Variants in SCFD2 observed in about 807,000 individuals in gnomAD.
SCFD2 encodes sec1 family domain containing 2, also known as sec1 family domain-containing protein 2.
A neutral mutation model predicts 58.9 loss-of-function variants in SCFD2; 54 were observed. That is an observed-to-expected ratio of 0.92 (90% CI 0.74 to 1.15). The LOEUF (loss-of-function observed/expected upper bound fraction) is 1.15, where lower values mean the gene tolerates loss of function less well. Among genes scored for constraint, SCFD2 ranks in the 50% most tolerant of loss-of-function variants. SCFD2 has a pLI of 0.00. For missense variants in SCFD2, 805 were observed against 836.6 expected (o/e 0.96, Z 0.47); for synonymous variants, 321 against 335.9 (o/e 0.96, Z 0.49).
intron 8 of SCFD2, among the ~76,000 whole-genome samples, chr4:52,878,430 G>A (rs948894689): frequency 4.6e-5 from 7 of 152,324 alleles, no homozygotes; most frequent in Admixed American, 3.9e-4. Flanking sequence ...GGATCATACT[G>A]CTGACATTTC....
chr4:53,354,183 G>A (rs1734329292), intron 1 of SCFD2, among the ~76,000 whole-genome samples: 2 of 152,264 alleles, frequency 1.3e-5, no homozygotes, highest in Admixed American at 1.3e-4. Flanking sequence ...ACAGGGGGAA[G>A]GGGTGGTGCT....
rs76503739 is a variant in SCFD2, at chr4:53,191,882, G to T, written c.1312-46300C>A. Among the ~76,000 whole-genome samples the T allele has an allele frequency of 8.3e-3, 1,265 of 152,218 alleles. 19 individuals carry two copies. Among genetic ancestry groups the T allele is most frequent in the African/African-American group, 0.029 (1,207 of 41,536 alleles). Reference sequence around the variant, plus strand: ...GCTTGTAACAGTCCCTGTCCCTGGAGCACTCTTTTCCTGATTTCCTTTCCA... The same window carrying T: ...GCTTGTAACAGTCCCTGTCCCTGGATCACTCTTTTCCTGATTTCCTTTCCA... On this transcript the variant is annotated intron_variant, in intron 4 of 8. Coordinates refer to ENST00000401642, the MANE Select transcript of SCFD2 (RefSeq NM_152540.4).
At chr4:53,211,957 A>C (rs1486337293) in intron 4 of SCFD2, among the ~76,000 whole-genome samples, 2 of 152,104 alleles carry the variant, frequency 1.3e-5, no homozygotes, top group Non-Finnish European at 2.9e-5. Context: ...GGAAAACCAA[A>C]ACTACCAGCT....
chr4:53,267,155 G>A (rs185465889), intron 4 of SCFD2, among the ~76,000 whole-genome samples: 86 of 152,120 alleles, frequency 5.7e-4, no homozygotes, highest in African/African-American at 2.1e-3. Context: ...TAAACATTGA[G>A]GTTTCGGTGA....
At chr4:53,018,107 G>T (rs1335085435) in intron 5 of SCFD2, among the ~76,000 whole-genome samples, 2 of 152,138 alleles carry the variant, frequency 1.3e-5, no homozygotes, top group Non-Finnish European at 2.9e-5. Context: ...TAAGCTCCAT[G>T]ATGGCTTACA....
chr4:53,263,466 T>TC (rs1375607110), intron 4 of SCFD2, among the ~76,000 whole-genome samples: 1 of 152,184 alleles, frequency 6.6e-6, no homozygotes, highest in African/African-American at 2.4e-5. Context: ...TTCTCCCTCT[T>TC]CCCCTAGGGA....
intron 5 of SCFD2, among the ~76,000 whole-genome samples, chr4:53,096,857 G>T (rs1176402619): frequency 1.1e-4 from 16 of 152,084 alleles, no homozygotes; most frequent in African/African-American, 3.4e-4. Context: ...GGTCTAACAT[G>T]TAAGTCTTTA....
At chr4:53,167,029 A>T (rs1401729744) in intron 4 of SCFD2, among the ~76,000 whole-genome samples, 2 of 152,164 alleles carry the variant, frequency 1.3e-5, no homozygotes, top group Non-Finnish European at 2.9e-5. Flanking sequence ...ACCATTAATC[A>T]TCTCTTCTTC....
At chr4:53,364,069 T>G (rs543547112) in intron 1 of SCFD2, among the ~76,000 whole-genome samples, 11 of 152,326 alleles carry the variant, frequency 7.2e-5, no homozygotes, top group African/African-American at 2.6e-4. Flanking sequence ...GTTTTATCTT[T>G]TAATCCCCTA....
At chr4:53,199,342 C>T (rs6554071) in intron 4 of SCFD2, among the ~76,000 whole-genome samples, 81,597 of 151,794 alleles carry the variant, frequency 0.54, 22,146 homozygotes, top group Middle Eastern at 0.62. Flanking sequence ...TCTATCTGAT[C>T]GAATGAGAGG....
intron 5 of SCFD2, among the ~76,000 whole-genome samples, chr4:53,017,162 T>G (rs920636990): frequency 3.9e-5 from 6 of 152,156 alleles, no homozygotes; most frequent in African/African-American, 1.4e-4. Context: ...GTAATCATAT[T>G]TGGGTGGGCA....
At chr4:52,993,492 T>C (rs746213429) in intron 5 of SCFD2, among the ~76,000 whole-genome samples, 12 of 152,268 alleles carry the variant, frequency 7.9e-5, no homozygotes, top group Non-Finnish European at 1.2e-4. Context: ...TTTCAGTGGC[T>C]CACTAGGATG....
chr4:53,294,383 T>C (rs1182535118), intron 3 of SCFD2, among the ~76,000 whole-genome samples: 1 of 152,258 alleles, frequency 6.6e-6, no homozygotes, highest in African/African-American at 2.4e-5. Flanking sequence ...TTTGCATTTC[T>C]CTGATGACCA....
chr4:53,309,141 A>G (rs1198542797), intron 3 of SCFD2, among the ~76,000 whole-genome samples: 1 of 152,138 alleles, frequency 6.6e-6, no homozygotes, highest in Non-Finnish European at 1.5e-5. Context: ...TCAAAAAAAA[A>G]AAAAGAGAAG....
chr4:52,962,672 G>C (rs985304716), intron 5 of SCFD2, among the ~76,000 whole-genome samples: 19 of 149,970 alleles, frequency 1.3e-4, no homozygotes, highest in East Asian at 7.8e-4. Context: ...AAATAGTTTA[G>C]AGGGGGGCAG....
At chr4:53,049,596 G>A (rs1701624426) in intron 5 of SCFD2, among the ~76,000 whole-genome samples, 2 of 151,996 alleles carry the variant, frequency 1.3e-5, no homozygotes, top group African/African-American at 4.8e-5. Flanking sequence ...ATTAGCTATC[G>A]TCTCCTCCTT....
intron 4 of SCFD2, among the ~76,000 whole-genome samples, chr4:53,251,494 G>C (rs965753852): frequency 6.6e-6 from 1 of 152,064 alleles, no homozygotes; most frequent in African/African-American, 2.4e-5. Context: ...ATAAAATACT[G>C]GCAAACCAAA....
At chr4:52,980,202 G>A (rs908069996) in intron 5 of SCFD2, among the ~76,000 whole-genome samples, 5 of 152,002 alleles carry the variant, frequency 3.3e-5, no homozygotes, top group African/African-American at 9.7e-5. Flanking sequence ...TAATAATAAC[G>A]GCAGTTACAT....
Position 53,271,358 on chromosome 4 carries a change from ACAT to A in SCFD2, c.1311+2465_1311+2467del, listed in dbSNP as rs201715582. Among the ~76,000 whole-genome samples the A allele has an allele frequency of 9.1e-3, 1,390 of 152,034 alleles. 22 individuals are homozygous for A. Among genetic ancestry groups the A allele is most frequent in the African/African-American group, 0.032 (1,311 of 41,476 alleles). ...AGCACAAATGCAACAGCCTAACTAA[ACAT>A]CAGTATAGATTGCATAAATAAATTG... On this transcript the variant is annotated intron_variant, in intron 4 of 8. Coordinates refer to ENST00000401642, the MANE Select transcript of SCFD2 (RefSeq NM_152540.4).
Sources: allele counts gnomAD v4.1 joint callset (sites outside exome capture counted in the v4.1 genomes callset), GRCh38; gene constraint gnomAD v4.1.1; transcripts MANE v1.5; gene names NCBI Gene and HGNC (gene_info 2026-07-23, HGNC 2026-07-21).